Variants in SIGLEC1 observed in about 807,000 individuals in gnomAD.
SIGLEC1 encodes the protein sialoadhesin.
A neutral mutation model predicts 148.0 loss-of-function variants in SIGLEC1; 132 were observed. The ratio of observed to expected loss-of-function variants is 0.89; its 90% CI spans 0.77 to 1.03. The LOEUF is 1.03. Ranked by LOEUF, SIGLEC1 falls within the 50% of genes least tolerant of loss-of-function variation. The pLI is 0.00. For synonymous variants in SIGLEC1, 945 were observed against 969.0 expected, an observed-to-expected ratio of 0.98 and a Z score of 0.46; for missense variants, 2,253 against 2,271.4, an observed-to-expected ratio of 0.99 and a Z score of 0.16.
rs1479467995 is a variant in SIGLEC1 at position 3,690,247 on chromosome 20, T to G, written c.4609A>C (p.Thr1537Pro). The G allele has an allele frequency of 5.2e-6, 8 of 1,547,210 alleles. No individual in the cohort carries two copies. The South Asian group carries it at 7.1e-5, about 14-fold the overall frequency. Residue 1537 changes from threonine to proline, a missense_variant, in exon 19 of 22, where the codon ACC (threonine) becomes CCC (proline). Coordinates refer to ENST00000344754, the MANE Select transcript of SIGLEC1 (RefSeq NM_023068.4). ...LRVLYPPKTP[T>P]MMVFVEPEGG... is the part of the protein sequence containing the mutation. ...TCAGGCTCCACGAAGACCATCATGG[T>G]GGGCGTCTTGGGAGGGTCTGTGGGG...
At position 3,701,572 on chromosome 20, in the gene SIGLEC1, C is replaced by T. The variant is rs1176191769; in HGVS notation, c.1298G>A (p.Cys433Tyr). The change falls in exon 7 of 22, where the codon TGC becomes TAC. Residue 433 changes from cysteine (C) to tyrosine (Y), a missense_variant. Physicochemically the swap from Cys to Tyr is radical, Grantham distance 194. Coordinates refer to ENST00000344754, the MANE Select transcript of SIGLEC1 (RefSeq NM_023068.4). ...GGCCAGGGGCTCACTGACCACAGAG[C>T]AGTGAAGGATGCCCACAAGTCCCGC... Reference protein sequence around the residue: ...TQAGLVGILHCSVVSEPLATL... With the variant: ...TQAGLVGILHYSVVSEPLATL... 2 of 1,604,832 alleles carry T rather than the reference C, an allele frequency of 1.2e-6. No individual in the cohort carries two copies. Among genetic ancestry groups the T allele is most frequent in the Non-Finnish European group, 1.7e-6 (2 of 1,173,098 alleles).
rs1002782446 is a variant in SIGLEC1 at position 3,693,076 on chromosome 20, C to T, written c.3564G>A (p.Leu1188=). The T allele has an allele frequency of 1.9e-6, 3 of 1,599,274 alleles. No individual in the cohort carries two copies. The highest frequency in any genetic ancestry group is 2.7e-5 in the African/African-American group (2 of 74,548). ...TYLLESHGGQ[L]ALVLCTVDSR... ...TGTCCACAGTGCACAGTACCAGGGCCAGCTGCCCGCCATGGCTCTCCAGGA... is the reference window on the plus strand; with the variant it reads ...TGTCCACAGTGCACAGTACCAGGGCTAGCTGCCCGCCATGGCTCTCCAGGA... The change falls in exon 15 of 22, where the codon CTG becomes CTA. Residue 1188 remains leucine (L), a synonymous_variant. Transcript: ENST00000344754.
At chr20:3,694,589 C>T in intron 12 of SIGLEC1, 57 bp from the exon 13 acceptor site, 1 of 1,561,908 alleles carries the variant, frequency 6.4e-7, no homozygotes, top group Non-Finnish European at 8.7e-7. Context: ...ATCCAGGGCT[C>T]TGTCATGTGA....
rs778742186 is a variant in SIGLEC1 at position 3,703,304 on chromosome 20, G to A, written c.1121C>T (p.Thr374Ile). ...HVLLEDAHSH[T>I]LRLHLATRAD... Reference sequence around the variant, plus strand: ...CCTAGTGGCCAAGTGCAGCCGGAGGGTATGGGAGTGGGCATCCTCCAGCAG... The same window carrying A: ...CCTAGTGGCCAAGTGCAGCCGGAGGATATGGGAGTGGGCATCCTCCAGCAG... Residue 374 changes from threonine to isoleucine, a missense_variant, in exon 6 of 22, where the codon ACC becomes ATC. Thr to Ile is a moderately conservative substitution (Grantham distance 89, BLOSUM62 -1). Transcript: ENST00000344754. 1.2e-6 allele frequency: 2 copies of A among 1,614,176 alleles called. No individual in the cohort carries two copies. The highest frequency in any genetic ancestry group is 1.1e-5 in the South Asian group (1 of 91,078).
Position 3,692,789 on chromosome 20 carries a change from A to G in SIGLEC1, c.3779-17T>C, listed in dbSNP as rs2088778712. ...CCCGCACACCTGTGCCAAGGAGGCC[A>G]GGATCAGCCGGGCCCAGCCGGACAC... On this transcript the variant is annotated splice_polypyrimidine_tract_variant and intron_variant, in intron 15 of 21. Coordinates refer to ENST00000344754, the MANE Select transcript of SIGLEC1 (RefSeq NM_023068.4). The G allele has an allele frequency of 6.2e-7, 1 of 1,604,756 alleles. No homozygotes were observed.
chr20:3,692,820 TG>T, intron 15 of SIGLEC1, 41 bp downstream of exon 15: 1 of 1,601,202 alleles, frequency 6.2e-7, no homozygotes. Context: ...GACACCACAG[TG>T]GGCTTCCATC....
rs144291966 is a variant in SIGLEC1, at chr20:3,693,504, C to T, written c.3451G>A (p.Val1151Met). ...VRDATSYRCG[V>M]GPPGRAPRLS... ...CGGGGTGCCCGACCAGGGGGGCCCA[C>T]ACCGCAGCGGTAGGAGGTGGCATCC... The change falls in exon 14 of 22, where the codon GTG becomes ATG. Residue 1151 changes from valine (V) to methionine (M), a missense_variant. Val to Met is a conservative substitution (Grantham distance 21). Coordinates refer to ENST00000344754, the MANE Select transcript of SIGLEC1 (RefSeq NM_023068.4). 1.1e-5 allele frequency: 17 copies of T among 1,609,274 alleles called. No homozygotes were observed. Among genetic ancestry groups the T allele is most frequent in the Non-Finnish European group, 1.4e-5 (16 of 1,177,628 alleles).
rs771607632 is a variant in SIGLEC1 at position 3,692,782 on chromosome 20, G to T, written c.3779-10C>A. Reference sequence around the variant, plus strand: ...AGGATCACCCGCACACCTGTGCCAAGGAGGCCAGGATCAGCCGGGCCCAGC... The same window carrying T: ...AGGATCACCCGCACACCTGTGCCAATGAGGCCAGGATCAGCCGGGCCCAGC... On this transcript the variant is annotated splice_polypyrimidine_tract_variant and intron_variant, in intron 15 of 21. Transcript: ENST00000344754. 1.2e-6 allele frequency: 2 copies of T among 1,606,372 alleles called. No homozygotes were observed. Among genetic ancestry groups the T allele is most frequent in the Non-Finnish European group, 1.7e-6 (2 of 1,176,592 alleles).
rs2088789687 is a variant in SIGLEC1, at chr20:3,693,615, GGT to G, written c.3338_3339del (p.His1113ProfsTer123). The G allele has an allele frequency of 1.2e-6, 2 of 1,612,804 alleles. No homozygotes were observed. Among genetic ancestry groups the G allele is most frequent in the Non-Finnish European group, 1.7e-6 (2 of 1,179,688 alleles). On this transcript the variant is annotated frameshift_variant, in exon 14 of 22. Coordinates refer to ENST00000344754, the MANE Select transcript of SIGLEC1 (RefSeq NM_023068.4). LOFTEE classifies it high-confidence loss of function. ...VNLTCLVWTTHPAQLTYTWYQ... is the reference protein window; with the variant it reads ...VNLTCLVWTTXPAQLTYTWYQ... ...TACCATGTGTAGGTGAGCTGGGCCG[GGT>G]GAGTGGTCCACACAAGGCAGGTCAG...
chr20:3,698,844 G>A (rs1277967768), intron 8 of SIGLEC1, among the ~76,000 whole-genome samples: 3 of 152,210 alleles, frequency 2.0e-5, no homozygotes, highest in Non-Finnish European at 2.9e-5. Flanking sequence ...GCTTTGCCTT[G>A]GTGTCTATGG....
rs559560984 is a variant in SIGLEC1 at position 3,696,602 on chromosome 20, G to C, written c.2667C>G (p.Leu889=). The C allele has an allele frequency of 1.2e-5, 20 of 1,610,056 alleles. No individual in the cohort carries two copies. Among genetic ancestry groups the C allele is most frequent in the Non-Finnish European group, 1.7e-5 (20 of 1,177,394 alleles). Residue 889 remains leucine, a synonymous_variant, in exon 11 of 22, where the codon CTC becomes CTG. Coordinates refer to ENST00000344754, the MANE Select transcript of SIGLEC1 (RefSeq NM_023068.4). The stretch of plus-strand genomic sequence containing the variant: ...GACACTCACCTCGGACCTGGAAGAA[G>C]AGTGAGGTGTTGGATGATCCAAGAA... ...TNVLGSSNTS[L]FFQVRGAWVQ... is the part of the protein sequence containing the mutation.
At chr20:3,693,345 A>G in intron 14 of SIGLEC1, 102 bp downstream of exon 14, 1 of 1,346,598 alleles carries the variant, frequency 7.4e-7, no homozygotes, top group Non-Finnish European at 1.0e-6. Flanking sequence ...GCTACTGGGT[A>G]CCGAGTTCCC....
In SIGLEC1 at chr20:3,699,471, G is replaced by C. The variant is rs1293991694; in HGVS notation, c.1529-12C>G. The C allele has an allele frequency of 3.7e-6, 6 of 1,600,434 alleles. No individual in the cohort carries two copies. Among genetic ancestry groups the C allele is most frequent in the East Asian group, 4.5e-5 (2 of 44,454 alleles). Reference sequence around the variant, plus strand: ...GAGGAGACGGGCGGCTGCGGGGAGAGGAAGAGGCTGGGAAGGGTCCCTCCT... The same window carrying C: ...GAGGAGACGGGCGGCTGCGGGGAGACGAAGAGGCTGGGAAGGGTCCCTCCT... On this transcript the variant is annotated splice_polypyrimidine_tract_variant and intron_variant, in intron 7 of 21. Coordinates refer to ENST00000344754, the MANE Select transcript of SIGLEC1 (RefSeq NM_023068.4).
Position 3,703,984 on chromosome 20 carries a change from T to C in SIGLEC1, c.814A>G (p.Ser272Gly). Residue 272 changes from serine to glycine, a missense_variant, in exon 5 of 22, where the codon AGT becomes GGT. Coordinates refer to ENST00000344754, the MANE Select transcript of SIGLEC1 (RefSeq NM_023068.4). ...CQVNSSYPAV[S>G]SIKWLKDGVR... ...CCATCCTTGAGCCACTTAATGGAACTGACTGCAGGGTAGCTGCTGTTCACC... is the reference window on the plus strand; with the variant it reads ...CCATCCTTGAGCCACTTAATGGAACCGACTGCAGGGTAGCTGCTGTTCACC... 6.2e-7 allele frequency: 1 copy of C among 1,612,586 alleles called. No individual in the cohort carries two copies. The highest frequency in any genetic ancestry group is 8.5e-7 in the Non-Finnish European group (1 of 1,179,012).
chr20:3,696,345 T>C (rs559027767), intron 11 of SIGLEC1, among the ~76,000 whole-genome samples: 1 of 152,300 alleles, frequency 6.6e-6, no homozygotes, highest in African/African-American at 2.4e-5. Flanking sequence ...TTTCAGAAAG[T>C]GCTCCCACCA....
At chr20:3,691,288 T>C in intron 18 of SIGLEC1, 52 bp downstream of exon 18, 1 of 1,599,288 alleles carries the variant, frequency 6.3e-7, no homozygotes, top group Non-Finnish European at 8.6e-7. Context: ...AGAACTGAGG[T>C]GGGCGTGTGA....
chr20:3,692,016 CG>C lies in SIGLEC1; in HGVS notation c.4216del (p.Arg1406GlufsTer37). The C allele has an allele frequency of 6.2e-7, 1 of 1,613,474 alleles. No individual in the cohort carries two copies. The highest frequency in any genetic ancestry group is 1.3e-5 in the African/African-American group (1 of 75,068). ...TTGCACCTGCAGCCGTAGGGCGTTT[CG>C]GGCCACCTGGACATGGCCTGTCCCT... ...ASGTGHVQVA[R>X]NALRLQVQDV... On this transcript the variant is annotated frameshift_variant, in exon 17 of 22. Coordinates refer to ENST00000344754, the MANE Select transcript of SIGLEC1 (RefSeq NM_023068.4). LOFTEE classifies it high-confidence loss of function.
chr20:3,694,269 A>T lies in SIGLEC1; in HGVS notation c.3208T>A (p.Ser1070Thr). 1 of 1,612,516 alleles carries T rather than the reference A, an allele frequency of 6.2e-7. No individual in the cohort carries two copies. Residue 1070 changes from serine (S) to threonine (T), a missense_variant, in exon 13 of 22, where the codon TCC (serine) becomes ACC (threonine). Transcript: ENST00000344754. The part of the protein sequence containing the change: ...EDEGVYICEA[S>T]NTLGQASASA... ...GCCGAGGCCTGGCCCAGGGTGTTGGAGGCCTCACAGATATAGACACCCTCA... is the reference window on the plus strand; with the variant it reads ...GCCGAGGCCTGGCCCAGGGTGTTGGTGGCCTCACAGATATAGACACCCTCA...
At chr20:3,705,292 C>T (rs1389888390) in intron 4 of SIGLEC1, among the ~76,000 whole-genome samples, 4 of 152,338 alleles carry the variant, frequency 2.6e-5, no homozygotes, top group East Asian at 1.9e-4. Flanking sequence ...CCACCGCGCC[C>T]GGCCCATCTC....
Sources: allele counts gnomAD v4.1 joint callset (sites outside exome capture counted in the v4.1 genomes callset), GRCh38; gene constraint gnomAD v4.1.1; transcripts MANE v1.5; gene names NCBI Gene and HGNC (gene_info 2026-07-23, HGNC 2026-07-21).